Variants in TMEFF1 observed in about 807,000 individuals in gnomAD.
TMEFF1 encodes the protein tomoregulin-1.
Under a neutral mutation model 47.5 loss-of-function variants are expected in TMEFF1, and 20 were observed. That is an observed-to-expected ratio of 0.42 (90% CI 0.30 to 0.61). The LOEUF (loss-of-function observed/expected upper bound fraction) is 0.61, where lower values mean the gene tolerates loss of function less well. Ranked by LOEUF, TMEFF1 falls within the 20% of genes least tolerant of loss-of-function variation. The probability of loss-of-function intolerance (pLI) is 0.19; values close to 1 mark genes in which losing one functional copy is unlikely to be tolerated. For synonymous variants in TMEFF1, 162 were observed against 166.3 expected, an observed-to-expected ratio of 0.97 and a Z score of 0.20; for missense variants, 411 against 471.1, an observed-to-expected ratio of 0.87 and a Z score of 1.18.
At chr9:100,566,731 G>T (rs761051225) in intron 8 of TMEFF1, among the ~76,000 whole-genome samples, 1 of 151,714 alleles carries the variant, frequency 6.6e-6, no homozygotes. Flanking sequence ...TTGAGACAGG[G>T]TCTCACTCTG....
At chr9:100,575,793 C>T (rs2780959) in intron 9 of TMEFF1, among the ~76,000 whole-genome samples, 84,307 of 151,282 alleles carry the variant, frequency 0.56, 24,065 homozygotes, top group South Asian at 0.63. Flanking sequence ...AGCCCCCTTA[C>T]TCCACATTGC....
At chr9:100,476,778 G>A (rs1182787027) in intron 1 of TMEFF1, among the ~76,000 whole-genome samples, 1 of 143,934 alleles carries the variant, frequency 6.9e-6, no homozygotes, top group Non-Finnish European at 1.5e-5. Context: ...CTCACAGCAA[G>A]CTCCGCCTCC....
intron 5 of TMEFF1, among the ~76,000 whole-genome samples, chr9:100,543,551 G>C (rs971725254): frequency 1.3e-5 from 2 of 151,984 alleles, no homozygotes; most frequent in Non-Finnish European, 2.9e-5. Context: ...GGATGAAATT[G>C]AGTTTCTCCA....
chr9:100,484,693 G>T (rs532533548), intron 1 of TMEFF1, among the ~76,000 whole-genome samples: 35 of 148,830 alleles, frequency 2.4e-4, no homozygotes, highest in African/African-American at 8.2e-4. Flanking sequence ...AACCACTGAC[G>T]TACTTTTTTT....
intron 5 of TMEFF1, among the ~76,000 whole-genome samples, chr9:100,530,542 G>A (rs1437478717): frequency 1.3e-5 from 2 of 152,180 alleles, no homozygotes; most frequent in South Asian, 2.1e-4. Context: ...TCAGGAAGAA[G>A]TTGAATCTCT....
chr9:100,546,192 G>A (rs549206147), intron 5 of TMEFF1, among the ~76,000 whole-genome samples: 8 of 152,218 alleles, frequency 5.3e-5, no homozygotes, highest in Admixed American at 6.5e-5. Flanking sequence ...AGATATACCC[G>A]AGACTGGGCA....
chr9:100,569,850 A>G (rs145217152), intron 8 of TMEFF1, among the ~76,000 whole-genome samples: 53 of 152,314 alleles, frequency 3.5e-4, no homozygotes, highest in African/African-American at 1.3e-3. Context: ...ATTGTTAACT[A>G]TAGTCACCAT....
At position 100,572,539 on chromosome 9, in the gene TMEFF1, A is replaced by G; in HGVS notation, c.921A>G (p.Gly307=). The change falls in exon 9 of 10, where the codon GGA becomes GGG. Residue 307 remains glycine (G), a synonymous_variant. Coordinates refer to ENST00000374879, the MANE Select transcript of TMEFF1 (RefSeq NM_003692.5). ...TCAGATGTGAATCTGGCTACACTGGACAGCACTGTGAAAAGACAGACTTTA... is the reference window on the plus strand; with the variant it reads ...TCAGATGTGAATCTGGCTACACTGGGCAGCACTGTGAAAAGACAGACTTTA... The part of the protein sequence containing the change: ...ASCRCESGYT[G]QHCEKTDFSI... The G allele has an allele frequency of 6.2e-7, 1 of 1,612,320 alleles. No homozygotes were observed. The highest frequency in any genetic ancestry group is 8.5e-7 in the Non-Finnish European group (1 of 1,179,344).
In TMEFF1 at chr9:100,474,728, G is replaced by T. The variant is rs148829189; in HGVS notation, c.196+988G>T. On this transcript the variant is annotated intron_variant, in intron 1 of 9. Transcript: ENST00000374879. ...CGTGCCTGTGTGTGTGTGTTTTGCG[G>T]GAGGGCCTGGATTCTGGCAGCAGCG... Among the ~76,000 whole-genome samples the T allele has an allele frequency of 4.7e-3, 713 of 152,180 alleles. 4 individuals carry two copies. Among genetic ancestry groups the T allele is most frequent in the Non-Finnish European group, 7.8e-3 (530 of 67,984 alleles).
At chr9:100,544,907 T>A (rs1838702429) in intron 5 of TMEFF1, among the ~76,000 whole-genome samples, 1 of 152,214 alleles carries the variant, frequency 6.6e-6, no homozygotes, top group Admixed American at 6.5e-5. Flanking sequence ...AATGATCTCC[T>A]TTGACTCCAC....
At chr9:100,520,844 T>C (rs1449624802) in intron 5 of TMEFF1, among the ~76,000 whole-genome samples, 1 of 152,224 alleles carries the variant, frequency 6.6e-6, no homozygotes, top group Non-Finnish European at 1.5e-5. Flanking sequence ...ATCAGTCTAT[T>C]GTGTTGTGCA....
chr9:100,494,850 C>T (rs1272538821), intron 1 of TMEFF1, among the ~76,000 whole-genome samples: 1 of 152,160 alleles, frequency 6.6e-6, no homozygotes, highest in Non-Finnish European at 1.5e-5. Flanking sequence ...GACCTGTGTT[C>T]TCATGAAACA....
At chr9:100,495,056 T>G (rs927516466) in intron 1 of TMEFF1, among the ~76,000 whole-genome samples, 13 of 152,152 alleles carry the variant, frequency 8.5e-5, no homozygotes, top group Non-Finnish European at 1.3e-4. Flanking sequence ...GTTGATTTTT[T>G]TTTCGTTTGC....
chr9:100,569,613 A>G (rs563393778), intron 8 of TMEFF1, among the ~76,000 whole-genome samples: 1 of 152,198 alleles, frequency 6.6e-6, no homozygotes, highest in African/African-American at 2.4e-5. Flanking sequence ...ACTGTTGCCT[A>G]ATCTAAGGTC....
At chr9:100,516,807 G>C (rs1288468896) in intron 5 of TMEFF1, 36 bp downstream of exon 5, 4 of 1,603,780 alleles carry the variant, frequency 2.5e-6, no homozygotes, top group African/African-American at 2.7e-5. Context: ...AAGTTATTTA[G>C]AGATTAATCA....
At chr9:100,477,451 T>C (rs1463081591) in intron 1 of TMEFF1, among the ~76,000 whole-genome samples, 1 of 152,174 alleles carries the variant, frequency 6.6e-6, no homozygotes, top group Non-Finnish European at 1.5e-5. Context: ...TTTTCCATTT[T>C]AGTAATCCTG....
chr9:100,561,312 C>A, intron 7 of TMEFF1, 85 bp from the exon 8 acceptor site: 1 of 1,540,692 alleles, frequency 6.5e-7, no homozygotes, highest in Non-Finnish European at 8.7e-7. Context: ...TGGGTGAATT[C>A]ATTTGCTGTT....
Position 100,498,243 on chromosome 9 carries a change from T to C in TMEFF1, c.197-522T>C, listed in dbSNP as rs550035407. Among the ~76,000 whole-genome samples the C allele has an allele frequency of 1.1e-3, 169 of 152,250 alleles. 2 individuals are homozygous for C. Among genetic ancestry groups the C allele is most frequent in the African/African-American group, 4.0e-3 (166 of 41,576 alleles). On this transcript the variant is annotated intron_variant, in intron 1 of 9. Coordinates refer to ENST00000374879, the MANE Select transcript of TMEFF1 (RefSeq NM_003692.5). ...GTACACAAATGCTCCATATTATTTA[T>C]TGTATGAAATTCAGATTCACTGTTC...
chr9:100,518,423 C>A (rs977011511), intron 5 of TMEFF1: 6 of 985,168 alleles, frequency 6.1e-6, no homozygotes, highest in Non-Finnish European at 7.2e-6. Flanking sequence ...GTTGCAGATA[C>A]CAGCTCTAAG....
Sources: allele counts gnomAD v4.1 joint callset (sites outside exome capture counted in the v4.1 genomes callset), GRCh38; gene constraint gnomAD v4.1.1; transcripts MANE v1.5; gene names NCBI Gene and HGNC (gene_info 2026-07-23, HGNC 2026-07-21).